KIF16B: variants seen among roughly 807,000 people sequenced by gnomAD.
The protein encoded by KIF16B is kinesin family member 16B.
A neutral mutation model predicts 156.3 loss-of-function variants in KIF16B; 98 were observed. The observed-to-expected ratio is 0.63, with a 90% CI of 0.53 to 0.74. The LOEUF is 0.74. Ranked by LOEUF, KIF16B falls within the 30% of genes least tolerant of loss-of-function variation. The pLI is 0.00. For synonymous variants in KIF16B, 564 were observed against 583.7 expected, an observed-to-expected ratio of 0.97 and a Z score of 0.49; for missense variants, 1,421 against 1,606.5, an observed-to-expected ratio of 0.88 and a Z score of 1.97.
intron 12 of KIF16B, among the ~76,000 whole-genome samples, chr20:16,454,645 T>C (rs890692254): frequency 6.6e-6 from 1 of 152,166 alleles, no homozygotes; most frequent in Non-Finnish European, 1.5e-5. Context: ...TCTTTGTAGA[T>C]CTTTTTACTC....
intron 15 of KIF16B, among the ~76,000 whole-genome samples, chr20:16,410,515 C>T (rs1165097683): frequency 6.6e-6 from 1 of 151,884 alleles, no homozygotes; most frequent in Non-Finnish European, 1.5e-5. Flanking sequence ...CAAGTCTAAA[C>T]ATGAAATTTA....
chr20:16,289,810 C>G (rs540438584), intron 25 of KIF16B, among the ~76,000 whole-genome samples: 2 of 152,302 alleles, frequency 1.3e-5, no homozygotes, highest in East Asian at 3.9e-4. Context: ...CACTGCACTC[C>G]AACCTGGGTG....
intron 12 of KIF16B, among the ~76,000 whole-genome samples, chr20:16,491,808 C>T (rs529038476): frequency 1.3e-5 from 2 of 152,200 alleles, no homozygotes; most frequent in South Asian, 2.1e-4. Flanking sequence ...CACTTCCCCT[C>T]CACCTTCATT....
chr20:16,517,216 T>C (rs1425924347), intron 3 of KIF16B, among the ~76,000 whole-genome samples: 1 of 152,264 alleles, frequency 6.6e-6, no homozygotes, highest in Non-Finnish European at 1.5e-5. Flanking sequence ...CAGACTTTGT[T>C]TCCTCAGCCT....
At chr20:16,500,902 C>T (rs2146974873) in intron 10 of KIF16B, among the ~76,000 whole-genome samples, 1 of 152,170 alleles carries the variant, frequency 6.6e-6, no homozygotes, top group South Asian at 2.1e-4. Flanking sequence ...TGCTTCCCAC[C>T]TTTGGTTGTG....
chr20:16,398,266 C>T (rs1242614250), intron 17 of KIF16B, among the ~76,000 whole-genome samples: 3 of 152,180 alleles, frequency 2.0e-5, no homozygotes, highest in Admixed American at 6.5e-5. Context: ...CCATGTAAAT[C>T]ACAGGATAAA....
At chr20:16,488,053 A>G (rs1255986769) in intron 12 of KIF16B, among the ~76,000 whole-genome samples, 1 of 151,980 alleles carries the variant, frequency 6.6e-6, no homozygotes, top group Non-Finnish European at 1.5e-5. Flanking sequence ...CTCCTCTCCC[A>G]CCCGCTGCCA....
At chr20:16,368,103 CA>C in intron 22 of KIF16B, 2 of 1,284,592 alleles carry the variant, frequency 1.6e-6, no homozygotes, top group Non-Finnish European at 2.0e-6. Flanking sequence ...TCATGTTGCC[CA>C]AAGGTTCTGG....
At chr20:16,474,197 T>A (rs78545196) in intron 12 of KIF16B, among the ~76,000 whole-genome samples, 1 of 152,318 alleles carries the variant, frequency 6.6e-6, no homozygotes, top group Non-Finnish European at 1.5e-5. Flanking sequence ...TGCTGTCACC[T>A]TCCAAAATAT....
intron 1 of KIF16B, among the ~76,000 whole-genome samples, chr20:16,565,818 C>T (rs763757834): frequency 1.3e-4 from 20 of 152,222 alleles, no homozygotes; most frequent in Admixed American, 5.2e-4. Context: ...AGCATCACTG[C>T]CTTTGGGAAA....
At position 16,289,575 on chromosome 20, in the gene KIF16B, C is replaced by G. The variant is rs1046433297; in HGVS notation, c.3796-16164G>C. 5.3e-5 allele frequency among the ~76,000 whole-genome samples: 8 copies of G among 152,152 alleles called. No individual in the cohort carries two copies. The South Asian group carries it at 1.5e-3, about 28-fold the overall frequency. On this transcript the variant is annotated intron_variant, in intron 25 of 25. Transcript: ENST00000354981. ...TTTATTTAAAGAGTTGTGTTAAGGC[C>G]GGGCGCGGTGGCTCACGCCTGTAAT...
intron 24 of KIF16B, among the ~76,000 whole-genome samples, chr20:16,335,128 A>C (rs1198564595): frequency 6.6e-6 from 1 of 151,660 alleles, no homozygotes; most frequent in African/African-American, 2.4e-5. Context: ...AAAACCATAA[A>C]AATAGTGCTC....
chr20:16,300,983 C>T (rs1461895469), intron 25 of KIF16B, among the ~76,000 whole-genome samples: 1 of 152,116 alleles, frequency 6.6e-6, no homozygotes, highest in East Asian at 1.9e-4. Context: ...TATTCTCTGC[C>T]TATTCATCTC....
intron 12 of KIF16B, among the ~76,000 whole-genome samples, chr20:16,435,902 T>G (rs1487180736): frequency 6.6e-6 from 1 of 152,198 alleles, no homozygotes; most frequent in African/African-American, 2.4e-5. Flanking sequence ...CATCTCACTT[T>G]GCTTTTTATT....
chr20:16,502,346 C>T, intron 10 of KIF16B, among the ~76,000 whole-genome samples: 1 of 152,096 alleles, frequency 6.6e-6, no homozygotes, highest in East Asian at 1.9e-4. Context: ...TTTAAGAACA[C>T]CTGCTGTTTT....
At chr20:16,567,025 A>G (rs2071278068) in intron 1 of KIF16B, among the ~76,000 whole-genome samples, 1 of 152,180 alleles carries the variant, frequency 6.6e-6, no homozygotes, top group African/African-American at 2.4e-5. Flanking sequence ...TCATTAGTGA[A>G]ATAAACATGT....
At chr20:16,325,688 T>A (rs767484927) in intron 24 of KIF16B, among the ~76,000 whole-genome samples, 1 of 151,444 alleles carries the variant, frequency 6.6e-6, no homozygotes, top group Non-Finnish European at 1.5e-5. Context: ...CATAAATGGG[T>A]AGAATCAATA....
chr20:16,441,250 A>C (rs567167531), intron 12 of KIF16B, among the ~76,000 whole-genome samples: 2 of 152,248 alleles, frequency 1.3e-5, no homozygotes, highest in African/African-American at 4.8e-5. Context: ...TGGTCTTGTA[A>C]AGCTGGCCCG....
At chr20:16,570,611 C>CA (rs1160053364) in intron 1 of KIF16B, among the ~76,000 whole-genome samples, 2 of 152,192 alleles carry the variant, frequency 1.3e-5, no homozygotes, top group Non-Finnish European at 2.9e-5. Context: ...TCTTTCTACT[C>CA]ACTGCCAACT....
Sources: allele counts gnomAD v4.1 joint callset (sites outside exome capture counted in the v4.1 genomes callset), GRCh38; gene constraint gnomAD v4.1.1; transcripts MANE v1.5; gene names NCBI Gene and HGNC (gene_info 2026-07-23, HGNC 2026-07-21).